Variants in MRPL1 observed in about 807,000 individuals in gnomAD.
MRPL1 encodes large ribosomal subunit protein uL1m.
Under a neutral mutation model 38.0 loss-of-function variants are expected in MRPL1, and 28 were observed. The observed-to-expected ratio is 0.74, with a 90% CI of 0.55 to 1.01. MRPL1 has a LOEUF of 1.01. MRPL1 is among the 50% of genes least tolerant of loss of function. The probability of loss-of-function intolerance (pLI) is 0.00; values close to 1 mark genes in which losing one functional copy is unlikely to be tolerated. For synonymous variants in MRPL1, 123 were observed against 126.7 expected (o/e 0.97, Z 0.20); for missense variants, 358 against 389.8 (o/e 0.92, Z 0.69).
intron 7 of MRPL1, among the ~76,000 whole-genome samples, chr4:77,940,745 A>G (rs1471476099): frequency 6.6e-6 from 1 of 152,134 alleles, no homozygotes; most frequent in Non-Finnish European, 1.5e-5. Flanking sequence ...TGAGGGTTTC[A>G]ATCATTAAGG....
At chr4:77,894,280 T>G (rs778475118) in intron 6 of MRPL1, 30 bp downstream of exon 6, 1 of 1,332,728 alleles carries the variant, frequency 7.5e-7, no homozygotes, top group Non-Finnish European at 1.1e-6. Context: ...TTCAATATCC[T>G]GTCAACAACT....
intron 7 of MRPL1, among the ~76,000 whole-genome samples, chr4:77,944,751 T>C (rs1392232790): frequency 1.3e-5 from 2 of 152,216 alleles, no homozygotes; most frequent in African/African-American, 4.8e-5. Flanking sequence ...TCTTTTAGTG[T>C]TTCACTTAGT....
intron 7 of MRPL1, among the ~76,000 whole-genome samples, chr4:77,920,236 T>G (rs1736535763): frequency 1.3e-5 from 2 of 152,218 alleles, no homozygotes; most frequent in Admixed American, 1.3e-4. Flanking sequence ...TTGCTATATT[T>G]TCAATCAACT....
rs969402527 is a variant in MRPL1, at chr4:77,863,461, A to ATTTTTTTTTTTTTTTTTTTTTTTTT, written c.31+603_31+604insTTTTTTTTTTTTTTTTTTTTTTTTT. Among the ~76,000 whole-genome samples the ATTTTTTTTTTTTTTTTTTTTTTTTT allele has an allele frequency of 1.7e-3, 188 of 112,628 alleles. 8 individuals carry two copies. Among genetic ancestry groups the ATTTTTTTTTTTTTTTTTTTTTTTTT allele is most frequent in the African/African-American group, 3.1e-3 (81 of 26,120 alleles). The allele number at this position is 112,628 out of a possible 152,430, so 73.9% of individuals were successfully genotyped here. A position where few individuals can be genotyped will look rare whatever the true frequency, so the allele number is the denominator to read the frequency against. ...GATGACAGCCCTTTCTTGTGCAACAATTTTTTTTTTTTTTTTTTTTTGAGA... is the reference window on the plus strand; with the variant it reads ...GATGACAGCCCTTTCTTGTGCAACAATTTTTTTTTTTTTTTTTTTTTTTTTTTTTTTTTTTTTTTTTTTTTTGAGA... On this transcript the variant is annotated intron_variant, in intron 1 of 8. Transcript: ENST00000315567.
At chr4:77,935,884 AT>A (rs1736960238) in intron 7 of MRPL1, among the ~76,000 whole-genome samples, 1 of 148,902 alleles carries the variant, frequency 6.7e-6, no homozygotes. Context: ...GTGAGCCAAG[AT>A]TGCGCCACTG....
At chr4:77,895,264 A>C (rs1309247702) in intron 6 of MRPL1, among the ~76,000 whole-genome samples, 2 of 152,144 alleles carry the variant, frequency 1.3e-5, no homozygotes, top group Non-Finnish European at 2.9e-5. Flanking sequence ...AGACTAATAA[A>C]TGTAATGTTT....
intron 7 of MRPL1, among the ~76,000 whole-genome samples, chr4:77,946,561 T>C (rs977529922): frequency 3.9e-5 from 6 of 152,222 alleles, no homozygotes; most frequent in South Asian, 2.1e-4. Flanking sequence ...TGTTCAGAGA[T>C]TGCAGTAAAG....
At chr4:77,933,751 T>A (rs761360431) in intron 7 of MRPL1, among the ~76,000 whole-genome samples, 71 of 152,326 alleles carry the variant, frequency 4.7e-4, no homozygotes, top group Non-Finnish European at 8.1e-4. Flanking sequence ...AAACTGCAAC[T>A]CTCATACATT....
chr4:77,919,935 G>A (rs79939635), intron 7 of MRPL1, among the ~76,000 whole-genome samples: 9,585 of 151,684 alleles, frequency 0.063, 463 homozygotes, highest in African/African-American at 0.14. Flanking sequence ...AAATATAGAA[G>A]CACTTACTGT....
intron 8 of MRPL1, among the ~76,000 whole-genome samples, chr4:77,950,211 T>C (rs985280712): frequency 6.6e-6 from 1 of 152,222 alleles, no homozygotes; most frequent in African/African-American, 2.4e-5. Context: ...AAATTATTTC[T>C]AAAATGATAT....
rs200812830 is a variant in MRPL1, at chr4:77,901,469, TA to T, written c.670+7231del. On this transcript the variant is annotated intron_variant, in intron 6 of 8. Transcript: ENST00000315567. ...CTCCAAGAAGCAGAGATTATAAGAT[TA>T]AAAAAAAAAAACCCAACTATATGCT... 1.5e-3 allele frequency among the ~76,000 whole-genome samples: 209 copies of T among 142,234 alleles called. 1 individual carries two copies. The East Asian group carries it at 0.02, about 14-fold the overall frequency. 93.3% of individuals were successfully genotyped at this position (142,234 alleles called of 152,430 possible).
chr4:77,865,138 C>T (rs1735099282), intron 1 of MRPL1, among the ~76,000 whole-genome samples: 1 of 152,096 alleles, frequency 6.6e-6, no homozygotes, highest in Non-Finnish European at 1.5e-5. Context: ...GATCCACTCA[C>T]CTCTGCCTCC....
At chr4:77,892,833 A>G (rs1475616728) in intron 5 of MRPL1, among the ~76,000 whole-genome samples, 1 of 152,030 alleles carries the variant, frequency 6.6e-6, no homozygotes, top group Non-Finnish European at 1.5e-5. Flanking sequence ...CTGATCCCTC[A>G]GTTTTTTTTA....
intron 7 of MRPL1, among the ~76,000 whole-genome samples, chr4:77,910,982 C>G (rs1186171571): frequency 6.6e-6 from 1 of 152,112 alleles, no homozygotes; most frequent in African/African-American, 2.4e-5. Flanking sequence ...ACATAAAATA[C>G]AAATTTTAAG....
chr4:77,930,122 A>G (rs1049295954), intron 7 of MRPL1, among the ~76,000 whole-genome samples: 1 of 152,234 alleles, frequency 6.6e-6, no homozygotes, highest in African/African-American at 2.4e-5. Context: ...CCTGGTCTCA[A>G]CACTGCCTGA....
At chr4:77,894,114 T>G in intron 5 of MRPL1, 25 bp from the exon 6 acceptor site, 1 of 1,346,266 alleles carries the variant, frequency 7.4e-7, no homozygotes, top group Non-Finnish European at 1.1e-6. Context: ...TCATCTGAGG[T>G]CACCTTTTTT....
At chr4:77,926,291 A>G (rs1055971921) in intron 7 of MRPL1, among the ~76,000 whole-genome samples, 6 of 152,176 alleles carry the variant, frequency 3.9e-5, no homozygotes, top group African/African-American at 1.4e-4. Context: ...TAAGGAGATT[A>G]AGTGAATATA....
intron 6 of MRPL1, among the ~76,000 whole-genome samples, chr4:77,899,355 C>T (rs1179826250): frequency 6.6e-6 from 1 of 151,914 alleles, no homozygotes; most frequent in Non-Finnish European, 1.5e-5. Context: ...TCACGAGCCC[C>T]CCCGCACCTT....
intron 2 of MRPL1, among the ~76,000 whole-genome samples, chr4:77,873,969 T>G (rs1415147500): frequency 1.3e-5 from 2 of 152,084 alleles, no homozygotes; most frequent in African/African-American, 4.8e-5. Context: ...TAAATGGTAG[T>G]GTACTATGTA....
Sources: gnomAD v4.1 joint callset for allele counts (sites outside exome capture counted in the v4.1 genomes callset) on GRCh38, gnomAD v4.1.1 for gene constraint, MANE v1.5 for transcripts, NCBI Gene and HGNC (gene_info 2026-07-23, HGNC 2026-07-21) for gene names.